The following UBTD1 variants were observed in gnomAD, a reference collection of about 807,000 sequenced individuals.
The protein encoded by UBTD1 is ubiquitin domain containing 1.
A neutral mutation model predicts 21.7 loss-of-function variants in UBTD1; 19 were observed. The observed-to-expected ratio is 0.87, with a 90% CI of 0.61 to 1.28. The LOEUF (loss-of-function observed/expected upper bound fraction) is 1.28. Among genes scored for constraint, UBTD1 ranks in the 50% most tolerant of loss-of-function variants. The pLI is 0.00. For synonymous variants in UBTD1, 116 were observed against 135.1 expected (o/e 0.86, Z 0.98); for missense variants, 282 against 315.1 (o/e 0.89, Z 0.80).
intron 1 of UBTD1, among the ~76,000 whole-genome samples, chr10:97,509,078 A>G (rs555327835): frequency 5.1e-4 from 78 of 152,366 alleles, no homozygotes; most frequent in East Asian, 9.6e-4. Flanking sequence ...CGTAATTAAT[A>G]AGATTAACAA....
Position 97,498,935 on chromosome 10 carries a change from T to A in UBTD1, c.-269T>A, listed in dbSNP as rs2040278756. 4.8e-6 allele frequency: 2 copies of A among 418,772 alleles called. No homozygotes were observed. Among genetic ancestry groups the A allele is most frequent in the Non-Finnish European group, 8.4e-6 (2 of 237,224 alleles). The allele number at this position is 418,772 out of a possible 1,614,324, so 25.9% of individuals were successfully genotyped here. A position where few individuals can be genotyped will look rare whatever the true frequency, so the allele number is the denominator to read the frequency against. On this transcript the variant is annotated 5_prime_UTR_variant, in exon 1 of 3. Coordinates refer to ENST00000370664, the MANE Select transcript of UBTD1 (RefSeq NM_024954.5). ...GGTGCCCGCCCCCTCTCTCCGCCCCTCCAGCGGAGCTGGTCTCCGGCCGGG... is the reference window on the plus strand; with the variant it reads ...GGTGCCCGCCCCCTCTCTCCGCCCCACCAGCGGAGCTGGTCTCCGGCCGGG...
intron 1 of UBTD1, among the ~76,000 whole-genome samples, chr10:97,556,945 C>T (rs189811486): frequency 2.0e-5 from 3 of 152,304 alleles, no homozygotes; most frequent in Admixed American, 6.5e-5. Context: ...ACAACTAAGC[C>T]GCCCTACAGG....
intron 1 of UBTD1, among the ~76,000 whole-genome samples, chr10:97,516,159 C>T (rs537186377): frequency 1.3e-5 from 2 of 152,302 alleles, no homozygotes; most frequent in South Asian, 4.1e-4. Context: ...CAGGTTCGCT[C>T]AGGGGAAAGG....
At chr10:97,513,031 C>T (rs2135659140) in intron 1 of UBTD1, among the ~76,000 whole-genome samples, 1 of 152,312 alleles carries the variant, frequency 6.6e-6, no homozygotes, top group African/African-American at 2.4e-5. Flanking sequence ...AGAATCCTTC[C>T]TTGCCTTTTA....
At chr10:97,545,394 GTGTGTGTGTGTGTGTGGGT>G (rs2040605378) in intron 1 of UBTD1, among the ~76,000 whole-genome samples, 1 of 86,016 alleles carries the variant, frequency 1.2e-5, no homozygotes, top group South Asian at 4.6e-4. Context: ...GCTCGTGTGT[GTGTGTGTGTGTGTGTGGGT>G]GTGGGTGTGT....
chr10:97,522,432 C>T (rs1178111809), intron 1 of UBTD1, among the ~76,000 whole-genome samples: 1 of 152,214 alleles, frequency 6.6e-6, no homozygotes. Context: ...CTCACTGGTT[C>T]TGCCTGAGAA....
intron 1 of UBTD1, among the ~76,000 whole-genome samples, chr10:97,523,570 C>T (rs1210036645): frequency 6.6e-6 from 1 of 152,028 alleles, no homozygotes; most frequent in African/African-American, 2.4e-5. Context: ...CTTGCTAGCA[C>T]TGAGCCCAGC....
intron 1 of UBTD1, among the ~76,000 whole-genome samples, chr10:97,499,971 C>T (rs2040345086): frequency 6.6e-6 from 1 of 152,112 alleles, no homozygotes; most frequent in South Asian, 2.1e-4. Context: ...CCCCGCCTGC[C>T]CTGGCATTTC....
intron 1 of UBTD1, among the ~76,000 whole-genome samples, chr10:97,505,351 TG>T (rs1427433394): frequency 2.6e-5 from 4 of 152,194 alleles, no homozygotes; most frequent in Non-Finnish European, 5.9e-5. Context: ...TGTGAGTGTG[TG>T]GAGGTCAAGA....
At chr10:97,527,448 T>A (rs1017123738) in intron 1 of UBTD1, among the ~76,000 whole-genome samples, 2 of 150,268 alleles carry the variant, frequency 1.3e-5, no homozygotes, top group African/African-American at 4.9e-5. Flanking sequence ...CCTTCTTTTT[T>A]ATTTATTTAT....
Position 97,568,282 on chromosome 10 carries a change from G to C in UBTD1, c.298+141G>C, listed in dbSNP as rs2040728092. The C allele has an allele frequency of 4.9e-6, 4 of 808,258 alleles. No homozygotes were observed. In the South Asian group the frequency reaches 5.0e-5, roughly 10 times the overall value. The allele number at this position is 808,258 out of a possible 1,614,324, so 50.1% of individuals were successfully genotyped here. A position where few individuals can be genotyped will look rare whatever the true frequency, so the allele number is the denominator to read the frequency against. ...ATTCAAGCACCCCTTACTGAGCATG[G>C]ACCAGGAGTGGGTACACAAAGAAAA... On this transcript the variant is annotated intron_variant, in intron 2 of 2. Transcript: ENST00000370664.
At chr10:97,501,597 AAAAAC>A (rs747936432) in intron 1 of UBTD1, among the ~76,000 whole-genome samples, 24 of 152,260 alleles carry the variant, frequency 1.6e-4, no homozygotes, top group South Asian at 8.3e-4. Context: ...TGTCTCAAAA[AAAAAC>A]AAAACAACAG....
At chr10:97,538,004 TA>T (rs1158500481) in intron 1 of UBTD1, among the ~76,000 whole-genome samples, 1 of 151,884 alleles carries the variant, frequency 6.6e-6, no homozygotes, top group Non-Finnish European at 1.5e-5. Context: ...TTTCATATTT[TA>T]AGTAGAGATG....
intron 1 of UBTD1, among the ~76,000 whole-genome samples, chr10:97,526,163 T>G (rs564635215): frequency 6.6e-6 from 1 of 152,316 alleles, no homozygotes; most frequent in Non-Finnish European, 1.5e-5. Context: ...GGATTCGATC[T>G]CTGGCAGGGC....
chr10:97,518,954 G>A (rs2040455799), intron 1 of UBTD1, among the ~76,000 whole-genome samples: 1 of 152,164 alleles, frequency 6.6e-6, no homozygotes, highest in African/African-American at 2.4e-5. Context: ...TCACAGCAGG[G>A]AACACAGAGG....
intron 1 of UBTD1, among the ~76,000 whole-genome samples, chr10:97,525,269 C>T (rs1384801273): frequency 6.6e-6 from 1 of 152,108 alleles, no homozygotes; most frequent in Non-Finnish European, 1.5e-5. Flanking sequence ...TCTGTAAATG[C>T]CAAAACAGAG....
chr10:97,531,178 C>T (rs1391585341), intron 1 of UBTD1, among the ~76,000 whole-genome samples: 7 of 150,900 alleles, frequency 4.6e-5, no homozygotes, highest in South Asian at 4.2e-4. Flanking sequence ...TGAGCCACTG[C>T]GCCCAGCCTA....
Position 97,570,071 on chromosome 10 carries a change from G to A in UBTD1, c.299-67G>A. ...GAGTTTCACCATATGAATTTGGGGGGACCCAAACATTTAATCCATGATAGT... is the reference window on the plus strand; with the variant it reads ...GAGTTTCACCATATGAATTTGGGGGAACCCAAACATTTAATCCATGATAGT... On this transcript the variant is annotated intron_variant, in intron 2 of 2. Transcript: ENST00000370664. The surrounding 1 kb of genome is among the most constrained non-coding windows in gnomAD (Gnocchi z 6.6). 1.3e-6 allele frequency: 2 copies of A among 1,527,956 alleles called. No homozygotes were observed. The highest frequency in any genetic ancestry group is 1.4e-5 in the African/African-American group (1 of 73,180). The allele number at this position is 1,527,956 out of a possible 1,614,324, so 94.6% of individuals were successfully genotyped here. A position where few individuals can be genotyped will look rare whatever the true frequency, so the allele number is the denominator to read the frequency against.
At chr10:97,542,354 CTGA>C (rs1482735192) in intron 1 of UBTD1, among the ~76,000 whole-genome samples, 1 of 152,274 alleles carries the variant, frequency 6.6e-6, no homozygotes, top group East Asian at 1.9e-4. Flanking sequence ...CACACCAGCA[CTGA>C]TGAGTCAGGT....
Sources: allele counts gnomAD v4.1 joint callset (sites outside exome capture counted in the v4.1 genomes callset), GRCh38; gene constraint gnomAD v4.1.1; non-coding constraint Gnocchi (gnomAD v3.1); transcripts MANE v1.5; gene names NCBI Gene and HGNC (gene_info 2026-07-23, HGNC 2026-07-21).